The following BMPR2 variants were observed in gnomAD, a reference collection of about 807,000 sequenced individuals.
BMPR2 encodes bone morphogenetic protein receptor type-2.
In BMPR2, 29 loss-of-function variants were observed where a neutral mutation model predicts 100.8. The observed-to-expected ratio is 0.29, with a 90% CI of 0.21 to 0.39. The LOEUF is 0.39. BMPR2 is among the 10% of genes least tolerant of loss of function. BMPR2 has a pLI of 1.00. For missense variants in BMPR2, 1,011 were observed against 1,274.5 expected (o/e 0.79, Z 3.15); for synonymous variants, 382 against 442.3 (o/e 0.86, Z 1.71).
intron 9 of BMPR2, among the ~76,000 whole-genome samples, chr2:202,538,562 C>T (rs1217167547): frequency 6.6e-6 from 1 of 151,976 alleles, no homozygotes; most frequent in African/African-American, 2.4e-5. Flanking sequence ...GAGGCCAAGG[C>T]TAGTGGATCA....
At chr2:202,413,494 C>G (rs1449099219) in intron 1 of BMPR2, among the ~76,000 whole-genome samples, 1 of 152,074 alleles carries the variant, frequency 6.6e-6, no homozygotes, top group Non-Finnish European at 1.5e-5. Context: ...TGAGCACAGG[C>G]TTATAGCAAT....
intron 8 of BMPR2, 112 bp downstream of exon 8, chr2:202,531,066 G>A (rs908663035): frequency 2.0e-5 from 26 of 1,308,748 alleles, no homozygotes; most frequent in Non-Finnish European, 2.7e-5. Context: ...ACTTTGGTAG[G>A]CCCAGGTGGG....
chr2:202,391,022 C>T (rs1335998043), intron 1 of BMPR2, among the ~76,000 whole-genome samples: 2 of 82,534 alleles, frequency 2.4e-5, no homozygotes, highest in African/African-American at 9.6e-5. Context: ...GATGGAGTTT[C>T]ACTCTTGTTG....
intron 3 of BMPR2, among the ~76,000 whole-genome samples, chr2:202,507,990 G>GCACCCAGCTGAGTCTAT (rs1361760102): frequency 2.0e-5 from 3 of 151,428 alleles, no homozygotes; most frequent in Admixed American, 6.6e-5. Context: ...GTGAGCCACT[G>GCACCCAGCTGAGTCTAT]TGCCTGTCCC....
chr2:202,390,746 T>C (rs1690530917), intron 1 of BMPR2, among the ~76,000 whole-genome samples: 1 of 152,148 alleles, frequency 6.6e-6, no homozygotes, highest in Admixed American at 6.6e-5. Flanking sequence ...TAATTATTAG[T>C]GGAGCCAAGC....
intron 1 of BMPR2, among the ~76,000 whole-genome samples, chr2:202,399,372 A>G (rs1200525011): frequency 6.6e-6 from 1 of 152,190 alleles, no homozygotes; most frequent in East Asian, 1.9e-4. Flanking sequence ...GCTAGGAGGT[A>G]AGAAAGAGCT....
Position 202,556,484 on chromosome 2 carries a change from C to T in BMPR2, c.2819C>T (p.Ser940Phe). 2 of 1,614,050 alleles carry T rather than the reference C, an allele frequency of 1.2e-6. No individual in the cohort carries two copies. Among genetic ancestry groups the T allele is most frequent in the Non-Finnish European group, 1.7e-6 (2 of 1,180,040 alleles). The change falls in exon 12 of 13, where the codon TCT (serine) becomes TTT (phenylalanine). Residue 940 changes from serine to phenylalanine, a missense_variant. This residue lies in a region of BMPR2 where 508 missense variants were observed against 552.0 expected (regional missense o/e 0.92). Coordinates refer to ENST00000374580, the MANE Select transcript of BMPR2 (RefSeq NM_001204.7). ...SKPRRAQRPNSLDLSATNVLD... is the reference protein window; with the variant it reads ...SKPRRAQRPNFLDLSATNVLD... ...CCCAGAAGAGCACAGAGGCCTAATTCTCTGGATCTTTCAGCCACAAATGTC... is the reference window on the plus strand; with the variant it reads ...CCCAGAAGAGCACAGAGGCCTAATTTTCTGGATCTTTCAGCCACAAATGTC...
intron 3 of BMPR2, among the ~76,000 whole-genome samples, chr2:202,504,109 G>A (rs76863319): frequency 9.9e-5 from 15 of 152,090 alleles, no homozygotes; most frequent in Admixed American, 6.6e-4. Context: ...ACCAATCAGC[G>A]CCCTGTCAAA....
intron 1 of BMPR2, among the ~76,000 whole-genome samples, chr2:202,459,741 CAAAACAA>C (rs1281046182): frequency 6.6e-6 from 1 of 151,868 alleles, no homozygotes; most frequent in Non-Finnish European, 1.5e-5. Flanking sequence ...AAAGCAAAAG[CAAAACAA>C]AAAACAAAAG....
chr2:202,490,709 T>A (rs1394758839), intron 3 of BMPR2, among the ~76,000 whole-genome samples: 1 of 152,056 alleles, frequency 6.6e-6, no homozygotes, highest in Non-Finnish European at 1.5e-5. Context: ...GACAGAAATA[T>A]GTACAGGGAG....
chr2:202,404,475 C>T (rs924951048), intron 1 of BMPR2, among the ~76,000 whole-genome samples: 2 of 152,102 alleles, frequency 1.3e-5, no homozygotes, highest in African/African-American at 4.8e-5. Context: ...GGATTACAGG[C>T]GTGAGCCACT....
At position 202,458,205 on chromosome 2, in the gene BMPR2, C is replaced by T. The variant is rs560982590; in HGVS notation, c.77-6604C>T. ...CTCACTCCTGCAATCCCAGCACTTC[C>T]GGAGGCCAAGGCAGGAGGATCACTT... On this transcript the variant is annotated intron_variant, in intron 1 of 12. Transcript: ENST00000374580. 5.5e-5 allele frequency among the ~76,000 whole-genome samples: 8 copies of T among 145,268 alleles called. No homozygotes were observed. In the South Asian group the frequency reaches 8.8e-4, roughly 16 times the overall value.
intron 3 of BMPR2, among the ~76,000 whole-genome samples, chr2:202,505,881 T>C (rs1444659004): frequency 6.6e-6 from 1 of 152,262 alleles, no homozygotes; most frequent in Non-Finnish European, 1.5e-5. Context: ...ATGATAATGT[T>C]AAATTATAGT....
intron 1 of BMPR2, among the ~76,000 whole-genome samples, chr2:202,449,032 C>CCTG (rs1352322188): frequency 1.1e-4 from 16 of 150,376 alleles, no homozygotes; most frequent in Non-Finnish European, 4.4e-5. Flanking sequence ...AAATAGCAGG[C>CCTG]CTGGGGTGGG....
chr2:202,378,178 A>G (rs1439761151), intron 1 of BMPR2, among the ~76,000 whole-genome samples: 1 of 152,194 alleles, frequency 6.6e-6, no homozygotes, highest in African/African-American at 2.4e-5. Flanking sequence ...TGCTGTCGAG[A>G]CAACTTTGAC....
rs1688505647 is a variant in BMPR2 at position 202,552,805 on chromosome 2, G to A, written c.1503G>A (p.Met501Ile). The change falls in exon 11 of 13, where the codon ATG becomes ATA. Residue 501 changes from methionine to isoleucine, a missense_variant. Physicochemically the swap from Met to Ile is conservative, Grantham distance 10. Transcript: ENST00000374580. ...RLTAQCAEER[M>I]AELMMIWERN... ...CTGCACAGTGTGCTGAGGAAAGGAT[G>A]GCTGAACTTATGATGATTTGGGAAA... The A allele has an allele frequency of 6.2e-7, 1 of 1,614,030 alleles. No homozygotes were observed. The highest frequency in any genetic ancestry group is 1.3e-5 in the African/African-American group (1 of 74,912).
At chr2:202,527,020 T>C (rs1018937105) in intron 7 of BMPR2, among the ~76,000 whole-genome samples, 1 of 151,974 alleles carries the variant, frequency 6.6e-6, no homozygotes, top group Non-Finnish European at 1.5e-5. Context: ...TCCACCACCA[T>C]GCTGGGCTAA....
chr2:202,422,671 T>C (rs770870468), intron 1 of BMPR2, among the ~76,000 whole-genome samples: 9 of 151,868 alleles, frequency 5.9e-5, no homozygotes, highest in Non-Finnish European at 1.3e-4. Flanking sequence ...ATTGTTTTTG[T>C]TTTGTTTTGT....
intron 1 of BMPR2, among the ~76,000 whole-genome samples, chr2:202,390,260 GC>G (rs1325595893): frequency 6.6e-6 from 1 of 151,680 alleles, no homozygotes; most frequent in Non-Finnish European, 1.5e-5. Context: ...GAAATGAACT[GC>G]TAGAATTTCT....
Sources: allele counts gnomAD v4.1 joint callset (sites outside exome capture counted in the v4.1 genomes callset), GRCh38; gene constraint gnomAD v4.1.1; regional missense constraint gnomAD v4.1.1; transcripts MANE v1.5; gene names NCBI Gene and HGNC (gene_info 2026-07-23, HGNC 2026-07-21).